Variants in FCHSD2 observed in about 807,000 individuals in gnomAD.
FCHSD2 encodes FCH and double SH3 domains 2, also known as F-BAR and double SH3 domains protein 2.
In FCHSD2, 38 loss-of-function variants were observed where a neutral mutation model predicts 108.1. The ratio of observed to expected loss-of-function variants is 0.35; its 90% CI spans 0.27 to 0.46. FCHSD2 has a LOEUF of 0.46. Ranked by LOEUF, FCHSD2 falls within the 20% of genes least tolerant of loss-of-function variation. The pLI is 1.00. For synonymous variants in FCHSD2, 279 were observed against 314.7 expected (o/e 0.89, Z 1.20); for missense variants, 751 against 897.8 (o/e 0.84, Z 2.09).
intron 9 of FCHSD2, among the ~76,000 whole-genome samples, chr11:72,921,033 C>T (rs1480785180): frequency 6.6e-6 from 1 of 151,882 alleles, no homozygotes; most frequent in Non-Finnish European, 1.5e-5. Flanking sequence ...ATATCCTGAT[C>T]CCTCTCCTAA....
rs534052492 is a variant in FCHSD2 at position 73,039,100 on chromosome 11, C to T, written c.166-23215G>A. ...AATCACTGTTTATTTTTATCTGCAA[C>T]CAGTTTCAAACTGGAATATCCGTGT... On this transcript the variant is annotated intron_variant, in intron 3 of 19. Transcript: ENST00000409418. 1.4e-4 allele frequency among the ~76,000 whole-genome samples: 21 copies of T among 152,284 alleles called. 1 individual carries two copies. The South Asian group carries it at 4.4e-3, about 32-fold the overall frequency.
chr11:72,868,211 A>T (rs1211739962), intron 12 of FCHSD2, among the ~76,000 whole-genome samples, 185 bp from the exon 13 acceptor site: 2 of 152,216 alleles, frequency 1.3e-5, no homozygotes, highest in Non-Finnish European at 2.9e-5. Context: ...ACATGAATGC[A>T]GCTGCAAGCC....
At chr11:72,947,856 C>CA (rs1448228298) in intron 8 of FCHSD2, among the ~76,000 whole-genome samples, 4 of 152,102 alleles carry the variant, frequency 2.6e-5, no homozygotes, top group African/African-American at 9.7e-5. Context: ...ACTTTAAAAA[C>CA]AAATTCAAGA....
intron 3 of FCHSD2, among the ~76,000 whole-genome samples, chr11:73,037,586 G>A (rs1028859737): frequency 6.6e-6 from 1 of 152,002 alleles, no homozygotes; most frequent in Non-Finnish European, 1.5e-5. Flanking sequence ...CAATATTCTT[G>A]TCGTCTTTAG....
rs115780798 is a variant in FCHSD2 at position 72,965,848 on chromosome 11, C to T, written c.705+18240G>A. Among the ~76,000 whole-genome samples the T allele has an allele frequency of 8.0e-3, 1,217 of 152,254 alleles. 10 individuals carry two copies. Among genetic ancestry groups the T allele is most frequent in the African/African-American group, 0.028 (1,157 of 41,554 alleles). ...AGATTCTGTTGCTCTACCTCATGAC[C>T]AGGATTAATCCATGCTGTGTGTAAT... is the stretch of plus-strand genomic sequence containing the variant. On this transcript the variant is annotated intron_variant, in intron 8 of 19. Transcript: ENST00000409418.
intron 2 of FCHSD2, among the ~76,000 whole-genome samples, chr11:73,109,229 T>C (rs940314028): frequency 6.6e-5 from 10 of 152,222 alleles, no homozygotes; most frequent in Admixed American, 5.9e-4. Context: ...TCCATATATA[T>C]TTTAGAATTG....
intron 8 of FCHSD2, among the ~76,000 whole-genome samples, chr11:72,936,160 T>C (rs1349664971): frequency 6.6e-6 from 1 of 152,204 alleles, no homozygotes; most frequent in Non-Finnish European, 1.5e-5. Context: ...CATAAGAGTA[T>C]GGTATGTGTA....
At chr11:72,937,479 T>C (rs1469232753) in intron 8 of FCHSD2, among the ~76,000 whole-genome samples, 2 of 152,174 alleles carry the variant, frequency 1.3e-5, no homozygotes, top group South Asian at 4.1e-4. Flanking sequence ...ATTCCTTACA[T>C]TGACATTTTA....
chr11:72,855,044 C>A (rs1318096609), intron 13 of FCHSD2, among the ~76,000 whole-genome samples: 2 of 152,170 alleles, frequency 1.3e-5, no homozygotes, highest in Admixed American at 1.3e-4. Flanking sequence ...GAGGCCGAGG[C>A]AGGCAGTTCA....
At chr11:72,892,517 G>A (rs916524253) in intron 10 of FCHSD2, among the ~76,000 whole-genome samples, 2 of 152,186 alleles carry the variant, frequency 1.3e-5, no homozygotes, top group African/African-American at 4.8e-5. Context: ...ACAATACACA[G>A]AGAAATGTTC....
At position 72,976,928 on chromosome 11, in the gene FCHSD2, CT is replaced by C. The variant is rs572931672; in HGVS notation, c.705+7159del. ...AAATCTAAGACCTCAAACTATGAAACTTTTTTTTTTTTTTTGAGACAGAGTC... is the reference window on the plus strand; with the variant it reads ...AAATCTAAGACCTCAAACTATGAAACTTTTTTTTTTTTTTGAGACAGAGTC... On this transcript the variant is annotated intron_variant, in intron 8 of 19. Transcript: ENST00000409418. Among the ~76,000 whole-genome samples, 679 of 141,460 alleles carry C rather than the reference CT, an allele frequency of 4.8e-3. 1 individual carries two copies. Among genetic ancestry groups the C allele is most frequent in the Non-Finnish European group, 4.5e-3 (288 of 64,112 alleles). The allele number at this position is 141,460 out of a possible 152,430, so 92.8% of individuals were successfully genotyped here.
chr11:72,898,918 T>A (rs937399680), intron 10 of FCHSD2, among the ~76,000 whole-genome samples: 3 of 148,126 alleles, frequency 2.0e-5, no homozygotes, highest in Admixed American at 6.8e-5. Context: ...ATTATTATTA[T>A]TTTTTTTTTA....
intron 13 of FCHSD2, among the ~76,000 whole-genome samples, chr11:72,855,279 AAAACAAACAAACAAAC>A (rs201512091): frequency 2.0e-5 from 3 of 150,982 alleles, no homozygotes; most frequent in Admixed American, 6.6e-5. Flanking sequence ...CTCCGTCTCA[AAAACAAACAAACAAAC>A]AAACAAACAA....
At chr11:73,049,713 A>T (rs1354589667) in intron 3 of FCHSD2, among the ~76,000 whole-genome samples, 1 of 151,120 alleles carries the variant, frequency 6.6e-6, no homozygotes, top group African/African-American at 2.4e-5. Flanking sequence ...AAAAAGGGGG[A>T]AAGAGAGACA....
chr11:72,849,250 T>C (rs1221110583), intron 14 of FCHSD2, among the ~76,000 whole-genome samples: 1 of 152,198 alleles, frequency 6.6e-6, no homozygotes, highest in Non-Finnish European at 1.5e-5. Flanking sequence ...CCCACAATTA[T>C]CTACTGATGA....
At chr11:72,861,570 A>G (rs1033254462) in intron 13 of FCHSD2, among the ~76,000 whole-genome samples, 2 of 152,206 alleles carry the variant, frequency 1.3e-5, no homozygotes, top group African/African-American at 4.8e-5. Flanking sequence ...CAAGAATACT[A>G]CAAGGAAATG....
At chr11:72,962,601 CT>C (rs10688506) in intron 8 of FCHSD2, among the ~76,000 whole-genome samples, 1 of 147,856 alleles carries the variant, frequency 6.8e-6, no homozygotes, top group African/African-American at 2.5e-5. Flanking sequence ...TAAATTCCCC[CT>C]TTTTTTTTTA....
chr11:72,873,277 C>T (rs535634212), intron 12 of FCHSD2, among the ~76,000 whole-genome samples: 7 of 151,204 alleles, frequency 4.6e-5, no homozygotes, highest in African/African-American at 1.2e-4. Context: ...TGCAGTGAAC[C>T]GAGATCGCGC....
At chr11:72,893,365 G>C (rs999797940) in intron 10 of FCHSD2, among the ~76,000 whole-genome samples, 1 of 151,974 alleles carries the variant, frequency 6.6e-6, no homozygotes, top group Non-Finnish European at 1.5e-5. Flanking sequence ...GCCCAGGCTG[G>C]AGTGCGGTGG....
Sources: allele counts gnomAD v4.1 joint callset (sites outside exome capture counted in the v4.1 genomes callset), GRCh38; gene constraint gnomAD v4.1.1; transcripts MANE v1.5; gene names NCBI Gene and HGNC (gene_info 2026-07-23, HGNC 2026-07-21).